The following CFAP206 variants were observed in gnomAD, a reference collection of about 807,000 sequenced individuals.
CFAP206 encodes the protein cilia and flagella associated protein 206.
A neutral mutation model predicts 65.4 loss-of-function variants in CFAP206; 53 were observed. The ratio of observed to expected loss-of-function variants is 0.81; its 90% CI spans 0.65 to 1.02. The LOEUF is 1.02. Ranked by LOEUF, CFAP206 falls within the 50% of genes least tolerant of loss-of-function variation. The probability of loss-of-function intolerance (pLI) is 0.00; values close to 1 mark genes in which losing one functional copy is unlikely to be tolerated. For synonymous variants in CFAP206, 250 were observed against 254.4 expected, an observed-to-expected ratio of 0.98 and a Z score of 0.17; for missense variants, 663 against 753.2, an observed-to-expected ratio of 0.88 and a Z score of 1.40.
intron 11 of CFAP206, among the ~76,000 whole-genome samples, chr6:87,437,376 G>GT (rs59385585): frequency 0.29 from 44,269 of 150,336 alleles, 6,583 homozygotes; most frequent in Admixed American, 0.39. Flanking sequence ...AACTTTTGCC[G>GT]TTTTTTTTTC....
chr6:87,427,530 TA>T (rs1768064695), intron 8 of CFAP206, among the ~76,000 whole-genome samples: 1 of 152,232 alleles, frequency 6.6e-6, no homozygotes, highest in Non-Finnish European at 1.5e-5. Context: ...AACAAAAGGC[TA>T]AATTGTTTAA....
At chr6:87,425,967 A>G (rs1768035713) in intron 7 of CFAP206, 1 of 159,026 alleles carries the variant, frequency 6.3e-6, no homozygotes, top group Non-Finnish European at 1.4e-5. Flanking sequence ...CTTGTGAGTC[A>G]TTTCAATGAT....
At chr6:87,439,795 C>T (rs1274031963) in intron 11 of CFAP206, among the ~76,000 whole-genome samples, 1 of 151,944 alleles carries the variant, frequency 6.6e-6, no homozygotes, top group Non-Finnish European at 1.5e-5. Context: ...TTAATAGTCT[C>T]TCCTTTCCTC....
intron 11 of CFAP206, chr6:87,444,567 A>T (rs1424471402): frequency 3.2e-6 from 1 of 312,206 alleles, no homozygotes; most frequent in Non-Finnish European, 6.2e-6. Flanking sequence ...AATGTCATTG[A>T]GTTCAGGCAT....
intron 4 of CFAP206, among the ~76,000 whole-genome samples, chr6:87,414,914 A>G (rs1767798655): frequency 6.6e-6 from 1 of 152,198 alleles, no homozygotes; most frequent in South Asian, 2.1e-4. Context: ...TGTTATTTAA[A>G]CATATTTTTA....
Position 87,428,803 on chromosome 6 carries a change from T to C in CFAP206, c.1138T>C (p.Cys380Arg). Reference sequence around the variant, plus strand: ...TGGAGCGACTGTGAAAACTGATGTGTGTAGAATGAAAGAACACATGGGTAA... The same window carrying C: ...TGGAGCGACTGTGAAAACTGATGTGCGTAGAATGAAAGAACACATGGGTAA... ...LNGATVKTDV[C>R]RMKEHMEDRV... is the part of the protein sequence containing the mutation. Residue 380 changes from cysteine to arginine, a missense_variant, in exon 9 of 13, where the codon TGT becomes CGT. Coordinates refer to ENST00000369562, the MANE Select transcript of CFAP206 (RefSeq NM_001031743.3). 6.2e-7 allele frequency: 1 copy of C among 1,614,114 alleles called. No individual in the cohort carries two copies.
At chr6:87,428,999 G>C (rs1000241662) in intron 9 of CFAP206, among the ~76,000 whole-genome samples, 175 bp downstream of exon 9, 2 of 152,210 alleles carry the variant, frequency 1.3e-5, no homozygotes, top group African/African-American at 2.4e-5. Flanking sequence ...CCAGCACTTT[G>C]GGGGGCCGAG....
intron 11 of CFAP206, among the ~76,000 whole-genome samples, chr6:87,460,046 T>C (rs1768717799): frequency 6.6e-6 from 1 of 152,238 alleles, no homozygotes; most frequent in Non-Finnish European, 1.5e-5. Flanking sequence ...AAAATCTACC[T>C]AAATATATCA....
chr6:87,407,992 C>T lies in CFAP206; in HGVS notation c.-103C>T. 1.0e-6 allele frequency: 1 copy of T among 985,596 alleles called. No homozygotes were observed. The highest frequency in any genetic ancestry group is 1.2e-6 in the Non-Finnish European group (1 of 830,068). The allele number at this position is 985,596 out of a possible 1,614,324, so 61.1% of individuals were successfully genotyped here. On this transcript the variant is annotated 5_prime_UTR_variant, in exon 1 of 13. Coordinates refer to ENST00000369562, the MANE Select transcript of CFAP206 (RefSeq NM_001031743.3). Reference sequence around the variant, plus strand: ...GGAGCCTTCCATCTCCATGGTTACGCGGCGGTGGCTGCGAGCGCCCAACTG... The same window carrying T: ...GGAGCCTTCCATCTCCATGGTTACGTGGCGGTGGCTGCGAGCGCCCAACTG...
intron 12 of CFAP206, 51 bp downstream of exon 12, chr6:87,461,216 T>A: frequency 7.8e-7 from 1 of 1,282,456 alleles, no homozygotes. Context: ...AATTTTAATC[T>A]ATTGTTACTC....
intron 7 of CFAP206, 70 bp from the exon 8 acceptor site, chr6:87,426,456 G>A: frequency 4.2e-6 from 5 of 1,183,194 alleles, no homozygotes; most frequent in Non-Finnish European, 5.8e-6. Context: ...GAGCAGGTAT[G>A]GTCTGAAACA....
intron 7 of CFAP206, 50 bp downstream of exon 7, chr6:87,418,466 T>C (rs772813151): frequency 8.7e-6 from 13 of 1,499,410 alleles, no homozygotes; most frequent in Non-Finnish European, 1.0e-5. Context: ...GCAATCTCTT[T>C]ATATAAGGCC....
intron 4 of CFAP206, among the ~76,000 whole-genome samples, chr6:87,414,482 G>A (rs781350567): frequency 6.6e-6 from 1 of 152,070 alleles, no homozygotes; most frequent in Non-Finnish European, 1.5e-5. Flanking sequence ...ATTCTTAGTA[G>A]AGACGGGATT....
rs544244374 is a variant in CFAP206, at chr6:87,441,822, A to G, written c.1494+6769A>G. 30 of 270,666 alleles carry G rather than the reference A, an allele frequency of 1.1e-4. No homozygotes were observed. In the East Asian group the frequency reaches 3.3e-3, roughly 30 times the overall value. The allele number at this position is 270,666 out of a possible 1,614,324, so 16.8% of individuals were successfully genotyped here. A position where few individuals can be genotyped will look rare whatever the true frequency, so the allele number is the denominator to read the frequency against. On this transcript the variant is annotated intron_variant, in intron 11 of 12. Transcript: ENST00000369562. ...CTTCATGAAATTTCAGGCGAATAAGAGAAGCTTTTCATTGAGCCAAATCCG... is the reference window on the plus strand; with the variant it reads ...CTTCATGAAATTTCAGGCGAATAAGGGAAGCTTTTCATTGAGCCAAATCCG...
chr6:87,445,510 T>A (rs867199588), intron 11 of CFAP206, among the ~76,000 whole-genome samples: 5 of 152,092 alleles, frequency 3.3e-5, no homozygotes, highest in African/African-American at 1.2e-4. Context: ...TCCAGCCCCA[T>A]CCATGTCCCC....
intron 11 of CFAP206, among the ~76,000 whole-genome samples, chr6:87,455,442 A>G (rs1768621493): frequency 6.6e-6 from 1 of 152,206 alleles, no homozygotes; most frequent in Admixed American, 6.5e-5. Flanking sequence ...ATCTTAAAAA[A>G]CTAGAAAAGC....
chr6:87,454,935 A>AT (rs1562010745), intron 11 of CFAP206, among the ~76,000 whole-genome samples: 2 of 149,488 alleles, frequency 1.3e-5, no homozygotes, highest in African/African-American at 4.9e-5. Context: ...ATTTTTTATT[A>AT]TTTTTTTTAT....
chr6:87,459,399 T>G (rs1437135144), intron 11 of CFAP206, among the ~76,000 whole-genome samples: 2 of 152,178 alleles, frequency 1.3e-5, no homozygotes, highest in African/African-American at 4.8e-5. Context: ...GGTTTTAAAA[T>G]ACTTGTTCTA....
rs1768103524 is a variant in CFAP206 at position 87,428,822 on chromosome 6, T to C, written c.1157T>C (p.Met386Thr). The C allele has an allele frequency of 6.2e-7, 1 of 1,612,828 alleles. No homozygotes were observed. Among genetic ancestry groups the C allele is most frequent in the African/African-American group, 1.3e-5 (1 of 74,914 alleles). ...KTDVCRMKEH[M>T]EDRVNVADFR... ...GATGTGTGTAGAATGAAAGAACACA[T>C]GGGTAATGAAAATCATCCATTATTT... The change falls in exon 9 of 13, where the codon ATG (methionine) becomes ACG (threonine). Residue 386 changes from methionine (M) to threonine (T), a missense_variant and splice_region_variant. Transcript: ENST00000369562.
Sources: gnomAD v4.1 joint callset for allele counts (sites outside exome capture counted in the v4.1 genomes callset) on GRCh38, gnomAD v4.1.1 for gene constraint, MANE v1.5 for transcripts, NCBI Gene and HGNC (gene_info 2026-07-23, HGNC 2026-07-21) for gene names.